Variants in DENND5B observed in about 807,000 individuals in gnomAD.
The protein encoded by DENND5B is DENN domain-containing protein 5B.
DENND5B carries 34 observed loss-of-function variants against 140.6 expected under a neutral mutation model. That is an observed-to-expected ratio of 0.24 (90% CI 0.18 to 0.32). The LOEUF (loss-of-function observed/expected upper bound fraction) is 0.32, where lower values mean the gene tolerates loss of function less well. Among genes scored for constraint, DENND5B ranks in the 10% least tolerant of loss-of-function variants. DENND5B has a pLI of 1.00. For synonymous variants in DENND5B, 551 were observed against 562.1 expected (o/e 0.98, Z 0.28); for missense variants, 1,142 against 1,560.2 (o/e 0.73, Z 4.52).
chr12:31,494,194 AT>A (rs1284954316), intron 2 of DENND5B, among the ~76,000 whole-genome samples: 965 of 85,658 alleles, frequency 0.011, 42 homozygotes, highest in Admixed American at 0.088. Flanking sequence ...CCATCCATCC[AT>A]CCATCCACCT....
intron 3 of DENND5B, among the ~76,000 whole-genome samples, chr12:31,471,070 G>A (rs1945534860): frequency 6.6e-6 from 1 of 152,190 alleles, no homozygotes; most frequent in Non-Finnish European, 1.5e-5. Flanking sequence ...CTATGTAAAA[G>A]CTAAAATGAA....
chr12:31,543,172 C>A (rs1306338448), intron 1 of DENND5B, among the ~76,000 whole-genome samples: 1 of 152,148 alleles, frequency 6.6e-6, no homozygotes, highest in Non-Finnish European at 1.5e-5. Flanking sequence ...CGGGCCACTG[C>A]ACTCCAGCTT....
At position 31,392,772 on chromosome 12, in the gene DENND5B, C is replaced by T. The variant is rs1849869090; in HGVS notation, c.3257-76G>A. 4 of 1,355,556 alleles carry T rather than the reference C, an allele frequency of 3.0e-6. No individual in the cohort carries two copies. In the South Asian group the frequency reaches 5.4e-5, roughly 18 times the overall value. 84.0% of individuals were successfully genotyped at this position (1,355,556 alleles called of 1,614,324 possible). A position where few individuals can be genotyped will look rare whatever the true frequency, so the allele number is the denominator to read the frequency against. ...AAGTACTATGGGACATCAACTGTGT[C>T]CACCTAGGCAGGAAATACGTCATCA... On this transcript the variant is annotated intron_variant, in intron 17 of 20. Coordinates refer to ENST00000389082, the MANE Select transcript of DENND5B (RefSeq NM_144973.4).
chr12:31,551,465 GC>G (rs1425419485), intron 1 of DENND5B, among the ~76,000 whole-genome samples: 4 of 152,180 alleles, frequency 2.6e-5, no homozygotes, highest in Admixed American at 1.3e-4. Context: ...GGTTACTGTA[GC>G]CTTGTAGTAT....
At chr12:31,393,889 C>G (rs2137298469) in intron 17 of DENND5B, among the ~76,000 whole-genome samples, 2 of 152,134 alleles carry the variant, frequency 1.3e-5, no homozygotes, top group South Asian at 4.2e-4. Context: ...AGGGTTTTAC[C>G]ATATTGGTCA....
chr12:31,526,786 T>A (rs1208704433), intron 1 of DENND5B, among the ~76,000 whole-genome samples: 1 of 152,244 alleles, frequency 6.6e-6, no homozygotes, highest in Non-Finnish European at 1.5e-5. Context: ...TGTGAAACGT[T>A]AACATTTGGA....
intron 6 of DENND5B, among the ~76,000 whole-genome samples, chr12:31,446,499 C>A (rs1317135113): frequency 6.6e-6 from 1 of 152,150 alleles, no homozygotes; most frequent in Non-Finnish European, 1.5e-5. Context: ...AATGGCACTA[C>A]TAAAGCAAAG....
intron 1 of DENND5B, among the ~76,000 whole-genome samples, chr12:31,525,779 C>G (rs1355212759): frequency 6.6e-6 from 1 of 152,130 alleles, no homozygotes; most frequent in Non-Finnish European, 1.5e-5. Context: ...TTGGCTTGAG[C>G]TGAGGAGCTC....
chr12:31,574,159 A>C (rs975802442), intron 1 of DENND5B, among the ~76,000 whole-genome samples: 4 of 151,470 alleles, frequency 2.6e-5, no homozygotes, highest in African/African-American at 4.9e-5. Flanking sequence ...GCTACTCGGA[A>C]GGCTGAGGCA....
At chr12:31,420,271 A>G (rs867728449) in intron 11 of DENND5B, among the ~76,000 whole-genome samples, 1 of 151,642 alleles carries the variant, frequency 6.6e-6, no homozygotes, top group Non-Finnish European at 1.5e-5. Context: ...TGGGACCACA[A>G]GCATGTGTCA....
At chr12:31,547,825 C>T (rs1948914545) in intron 1 of DENND5B, among the ~76,000 whole-genome samples, 1 of 152,122 alleles carries the variant, frequency 6.6e-6, no homozygotes, top group Non-Finnish European at 1.5e-5. Context: ...CTGCCTCAGC[C>T]TCCCAAGTAG....
At chr12:31,590,545 T>G (rs995016123) in intron 1 of DENND5B, 161 bp downstream of exon 1, 3 of 841,074 alleles carry the variant, frequency 3.6e-6, no homozygotes, top group Non-Finnish European at 5.0e-6. Flanking sequence ...TAAATAACAA[T>G]GTCATTAAAT....
At chr12:31,514,996 A>T (rs1947572582) in intron 1 of DENND5B, among the ~76,000 whole-genome samples, 1 of 152,174 alleles carries the variant, frequency 6.6e-6, no homozygotes, top group Admixed American at 6.5e-5. Flanking sequence ...GGTGGTGCAC[A>T]CCTGCAGTCC....
chr12:31,570,260 T>C (rs1024994502), intron 1 of DENND5B, among the ~76,000 whole-genome samples: 1 of 150,412 alleles, frequency 6.6e-6, no homozygotes, highest in African/African-American at 2.4e-5. Flanking sequence ...AGATAAGAAC[T>C]AATCAAAATT....
intron 1 of DENND5B, among the ~76,000 whole-genome samples, chr12:31,585,603 T>C (rs1027054577): frequency 1.3e-5 from 2 of 152,234 alleles, no homozygotes; most frequent in Non-Finnish European, 2.9e-5. Flanking sequence ...TGTCTACTGC[T>C]GATCAAATGT....
intron 7 of DENND5B, among the ~76,000 whole-genome samples, chr12:31,438,572 C>T (rs771981965): frequency 2.6e-5 from 4 of 151,962 alleles, no homozygotes; most frequent in African/African-American, 4.8e-5. Context: ...CAAAAAGAAT[C>T]GGGGGTGATT....
chr12:31,491,081 A>G (rs1362954171), intron 2 of DENND5B, among the ~76,000 whole-genome samples: 1 of 152,228 alleles, frequency 6.6e-6, no homozygotes, highest in African/African-American at 2.4e-5. Context: ...CAACTAGAAT[A>G]TTACATAGTC....
chr12:31,557,666 T>G lies in DENND5B; in HGVS notation c.127+33040A>C, dbSNP rs533456229. Among the ~76,000 whole-genome samples the G allele has an allele frequency of 3.3e-5, 5 of 152,000 alleles. No individual in the cohort carries two copies. In the South Asian group the frequency reaches 8.3e-4, roughly 25 times the overall value. ...CAAGGCATAAGGTGAATAGGAAGTT[T>G]AGCAATTGAAAAAAAATAACCTATC... On this transcript the variant is annotated intron_variant, in intron 1 of 20. Coordinates refer to ENST00000389082, the MANE Select transcript of DENND5B (RefSeq NM_144973.4).
rs143930855 is a variant in DENND5B, at chr12:31,520,292, T to C, written c.128-24373A>G. ...CTTACTAATCAACTATAGGGTGCTA[T>C]AGAACTTTTTAACCTTGTTTCCAAA... On this transcript the variant is annotated intron_variant, in intron 1 of 20. Transcript: ENST00000389082. Among the ~76,000 whole-genome samples, 250 of 152,336 alleles carry C rather than the reference T, an allele frequency of 1.6e-3. 1 individual carries two copies. The highest frequency in any genetic ancestry group is 5.5e-3 in the African/African-American group (228 of 41,574).
Sources: allele counts gnomAD v4.1 joint callset (sites outside exome capture counted in the v4.1 genomes callset), GRCh38; gene constraint gnomAD v4.1.1; transcripts MANE v1.5; gene names NCBI Gene and HGNC (gene_info 2026-07-23, HGNC 2026-07-21).